Variants in GRB10 observed in about 807,000 individuals in gnomAD.
GRB10 encodes growth factor receptor bound protein 10.
In GRB10, 20 loss-of-function variants were observed where a neutral mutation model predicts 80.9. The ratio of observed to expected loss-of-function variants is 0.25; its 90% CI spans 0.17 to 0.36. The LOEUF (loss-of-function observed/expected upper bound fraction) is 0.36, where lower values mean the gene tolerates loss of function less well. Ranked by LOEUF, GRB10 falls within the 10% of genes least tolerant of loss-of-function variation. GRB10 has a pLI of 1.00. For missense variants in GRB10, 548 were observed against 747.7 expected, an observed-to-expected ratio of 0.73 and a Z score of 3.12; for synonymous variants, 291 against 291.5, an observed-to-expected ratio of 1.00 and a Z score of 0.02.
intron 2 of GRB10, among the ~76,000 whole-genome samples, chr7:50,774,527 G>A (rs955146658): frequency 5.3e-5 from 8 of 152,256 alleles, no homozygotes; most frequent in African/African-American, 1.7e-4. Flanking sequence ...GGGGATCCTA[G>A]CTAGTTCTCT....
In GRB10 at chr7:50,725,216, C is replaced by T. The variant is rs149252268; in HGVS notation, c.51+7056G>A. Among the ~76,000 whole-genome samples the T allele has an allele frequency of 1.6e-3, 237 of 152,328 alleles. 1 individual carries two copies. The highest frequency in any genetic ancestry group is 5.3e-3 in the African/African-American group (222 of 41,584). ...GATGTCCCCCTTGCTATTCTCATGA[C>T]AGTAAGTTGCCACGAGACCTGGTTG... is the stretch of plus-strand genomic sequence containing the variant. On this transcript the variant is annotated intron_variant, in intron 4 of 18. Coordinates refer to ENST00000401949, the MANE Select transcript of GRB10 (RefSeq NM_001350814.2).
chr7:50,638,555 C>G (rs1188972403), intron 7 of GRB10, among the ~76,000 whole-genome samples: 1 of 152,090 alleles, frequency 6.6e-6, no homozygotes, highest in Non-Finnish European at 1.5e-5. Context: ...CATCTTATAC[C>G]ACGGAGAATG....
At chr7:50,623,511 C>T (rs1471483534) in intron 8 of GRB10, among the ~76,000 whole-genome samples, 1 of 152,182 alleles carries the variant, frequency 6.6e-6, no homozygotes, top group Non-Finnish European at 1.5e-5. Context: ...CCACCCTCAG[C>T]GAGAGGGGCT....
At chr7:50,781,138 T>C (rs1352849845) in intron 1 of GRB10, 1 of 152,258 alleles carries the variant, frequency 6.6e-6, no homozygotes, top group Non-Finnish European at 1.5e-5. Flanking sequence ...TCCTACAAGA[T>C]AGTAACTATT....
At chr7:50,620,674 C>T (rs2051544204) in intron 8 of GRB10, among the ~76,000 whole-genome samples, 1 of 152,194 alleles carries the variant, frequency 6.6e-6, no homozygotes, top group South Asian at 2.1e-4. Context: ...CCCATTTGTC[C>T]CTGTCTGGGA....
At chr7:50,664,031 T>G (rs2237464) in intron 7 of GRB10, among the ~76,000 whole-genome samples, 74,977 of 152,158 alleles carry the variant, frequency 0.49, 19,529 homozygotes, top group African/African-American at 0.68. Flanking sequence ...CTGGTGACAC[T>G]GGTCCCATGC....
chr7:50,639,726 C>T lies in GRB10; in HGVS notation c.505-12748G>A, dbSNP rs529709281. Among the ~76,000 whole-genome samples the T allele has an allele frequency of 1.8e-4, 28 of 151,750 alleles. No individual in the cohort carries two copies. In the South Asian group the frequency reaches 5.6e-3, roughly 31 times the overall value. ...TTTTCAGAGACCCTAATAGGACTTTCCACAGTGAACAAGTCTCACTGGCTA... is the reference window on the plus strand; with the variant it reads ...TTTTCAGAGACCCTAATAGGACTTTTCACAGTGAACAAGTCTCACTGGCTA... On this transcript the variant is annotated intron_variant, in intron 7 of 18. Coordinates refer to ENST00000401949, the MANE Select transcript of GRB10 (RefSeq NM_001350814.2).
At position 50,674,416 on chromosome 7, in the gene GRB10, C is replaced by G; in HGVS notation, c.362+20G>C. 6.3e-7 allele frequency: 1 copy of G among 1,598,628 alleles called. No individual in the cohort carries two copies. Among genetic ancestry groups the G allele is most frequent in the South Asian group, 1.1e-5 (1 of 90,928 alleles). On this transcript the variant is annotated intron_variant, in intron 6 of 18. Coordinates refer to ENST00000401949, the MANE Select transcript of GRB10 (RefSeq NM_001350814.2). ...GCTCTCATCCTTGGAGAAGGCTCTG[C>G]CCATAAGGCCTGGACCTACCTGACA...
rs1001245558 is a variant in GRB10 at position 50,591,110 on chromosome 7, G to C, written c.*1842C>G. 1.1e-4 allele frequency: 17 copies of C among 152,252 alleles called. No individual in the cohort carries two copies. In the East Asian group the frequency reaches 2.5e-3, roughly 22 times the overall value. The allele number at this position is 152,252 out of a possible 1,614,324, so 9.4% of individuals were successfully genotyped here. ...GTGAAGCCTGCCACCAGGTGTGAAC[G>C]TGAGAATTATCTTACTGTCAATAGT... On this transcript the variant is annotated 3_prime_UTR_variant, in exon 19 of 19. Transcript: ENST00000401949.
rs149306056 is a variant in GRB10 at position 50,792,951 on chromosome 7, C to G, written c.-294+273G>C. ...GTCGGGAACGCAGCGCGGAGAGCCCCGCGGGGCGCCCGGCTGCCTCCGCCT... is the reference window on the plus strand; with the variant it reads ...GTCGGGAACGCAGCGCGGAGAGCCCGGCGGGGCGCCCGGCTGCCTCCGCCT... On this transcript the variant is annotated intron_variant, in intron 1 of 16. Transcript: ENST00000335866. 7 of 147,318 alleles carry G rather than the reference C, an allele frequency of 4.8e-5. No individual in the cohort carries two copies. In the East Asian group the frequency reaches 8.0e-4, roughly 17 times the overall value. 9.1% of individuals were successfully genotyped at this position (147,318 alleles called of 1,614,324 possible).
chr7:50,764,709 G>A (rs182291535), intron 2 of GRB10, among the ~76,000 whole-genome samples: 1,984 of 152,218 alleles, frequency 0.013, 55 homozygotes, highest in African/African-American at 0.045. Context: ...GAACAAAACC[G>A]TCCCAACTTC....
chr7:50,704,315 T>C (rs1458953937), intron 4 of GRB10, among the ~76,000 whole-genome samples: 6 of 152,124 alleles, frequency 3.9e-5, no homozygotes, highest in African/African-American at 4.8e-5. Flanking sequence ...ATCTAGAGAG[T>C]GTTTTATAAA....
At chr7:50,749,407 G>A (rs1313846685) in intron 3 of GRB10, among the ~76,000 whole-genome samples, 1 of 152,060 alleles carries the variant, frequency 6.6e-6, no homozygotes, top group Non-Finnish European at 1.5e-5. Context: ...GGGATTACAG[G>A]CATGAGCCAC....
At chr7:50,607,169 AGGAG>A (rs1339982491) in intron 13 of GRB10, 1 of 152,532 alleles carries the variant, frequency 6.6e-6, no homozygotes, top group Non-Finnish European at 1.5e-5. Context: ...TACTAGCAAC[AGGAG>A]GTGGCTACAA....
At chr7:50,620,182 C>T (rs2051430931) in intron 8 of GRB10, among the ~76,000 whole-genome samples, 2 of 152,180 alleles carry the variant, frequency 1.3e-5, no homozygotes, top group Admixed American at 1.3e-4. Flanking sequence ...GGAAACTAAC[C>T]TTATTAAATC....
At chr7:50,774,480 C>T (rs2077368699) in intron 2 of GRB10, among the ~76,000 whole-genome samples, 3 of 152,188 alleles carry the variant, frequency 2.0e-5, no homozygotes, top group African/African-American at 7.2e-5. Flanking sequence ...GGCCTTCTTG[C>T]TGTGCCCTCA....
chr7:50,660,969 A>G (rs981176049), intron 7 of GRB10, among the ~76,000 whole-genome samples: 1 of 152,194 alleles, frequency 6.6e-6, no homozygotes, highest in African/African-American at 2.4e-5. Context: ...AAGGCACCAG[A>G]AAAGGTGACA....
chr7:50,718,470 G>A (rs991322258), intron 4 of GRB10, among the ~76,000 whole-genome samples: 6 of 151,908 alleles, frequency 3.9e-5, no homozygotes, highest in South Asian at 2.1e-4. Context: ...CGGCCACTGC[G>A]GCGCCCTCGG....
At position 50,752,555 on chromosome 7, in the gene GRB10, T is replaced by C. The variant is rs2153701778; in HGVS notation, c.-47+3332A>G. Among the ~76,000 whole-genome samples the C allele has an allele frequency of 2.0e-5, 3 of 152,324 alleles. No homozygotes were observed. The Middle Eastern group carries it at 0.01, about 518-fold the overall frequency. Reference sequence around the variant, plus strand: ...GCATCTGGGCCAGAGAAATGGTCCCTATCCTTAGCCAAGCTCTGTGTCGCT... The same window carrying C: ...GCATCTGGGCCAGAGAAATGGTCCCCATCCTTAGCCAAGCTCTGTGTCGCT... On this transcript the variant is annotated intron_variant, in intron 3 of 18. Coordinates refer to ENST00000401949, the MANE Select transcript of GRB10 (RefSeq NM_001350814.2).
Sources: allele counts gnomAD v4.1 joint callset (sites outside exome capture counted in the v4.1 genomes callset), GRCh38; gene constraint gnomAD v4.1.1; transcripts MANE v1.5; gene names NCBI Gene and HGNC (gene_info 2026-07-23, HGNC 2026-07-21).